PI4K2B: variants seen among roughly 807,000 people sequenced by gnomAD.
PI4K2B encodes phosphatidylinositol 4-kinase type 2 beta, also known as phosphatidylinositol 4-kinase type 2-beta.
PI4K2B carries 46 observed loss-of-function variants against 56.6 expected under a neutral mutation model. The observed-to-expected ratio is 0.81, with a 90% CI of 0.64 to 1.04. PI4K2B has a LOEUF of 1.04. Among genes scored for constraint, PI4K2B ranks in the 50% least tolerant of loss-of-function variants. The pLI is 0.00. For synonymous variants in PI4K2B, 211 were observed against 223.8 expected, an observed-to-expected ratio of 0.94 and a Z score of 0.51; for missense variants, 556 against 607.7, an observed-to-expected ratio of 0.91 and a Z score of 0.89.
Position 25,243,480 on chromosome 4 carries a change from G to A in PI4K2B, c.269-8841G>A, listed in dbSNP as rs967920388. 3.9e-5 allele frequency among the ~76,000 whole-genome samples: 6 copies of A among 152,182 alleles called. No homozygotes were observed. In the South Asian group the frequency reaches 1.0e-3, roughly 26 times the overall value. The stretch of plus-strand genomic sequence containing the variant: ...GTCTGAGGGCCATGACTAAGGCTGC[G>A]GCCTTTCTCTGATCTTGCTTTTCCT... On this transcript the variant is annotated intron_variant, in intron 1 of 9. Coordinates refer to ENST00000264864, the MANE Select transcript of PI4K2B (RefSeq NM_018323.4).
In PI4K2B at chr4:25,253,768, G is replaced by T. The variant is rs182004585; in HGVS notation, c.423+1293G>T. Among the ~76,000 whole-genome samples, 37 of 152,288 alleles carry T rather than the reference G, an allele frequency of 2.4e-4. 1 individual carries two copies. The highest frequency in any genetic ancestry group is 1.2e-3 in the Admixed American group (19 of 15,284). On this transcript the variant is annotated intron_variant, in intron 2 of 9. Transcript: ENST00000264864. ...CAAAAAAAGATTTTTTAATACGAGA[G>T]AATTTAATCAATTTATTTGTTAAGA...
At position 25,260,510 on chromosome 4, in the gene PI4K2B, G is replaced by C. The variant is rs758666296; in HGVS notation, c.911-14G>C. 35 of 1,314,854 alleles carry C rather than the reference G, an allele frequency of 2.7e-5. No individual in the cohort carries two copies. In the East Asian group the frequency reaches 8.8e-4, roughly 33 times the overall value. 81.4% of individuals were successfully genotyped at this position (1,314,854 alleles called of 1,614,324 possible). A position where few individuals can be genotyped will look rare whatever the true frequency, so the allele number is the denominator to read the frequency against. On this transcript the variant is annotated splice_polypyrimidine_tract_variant and intron_variant, in intron 5 of 9. Coordinates refer to ENST00000264864, the MANE Select transcript of PI4K2B (RefSeq NM_018323.4). ...TAGAAATGAAGTAACAGATTTTCTT[G>C]TTTGTTTTGAAAGACAGGGGCAATG...
At chr4:25,241,252 G>A (rs1423521156) in intron 1 of PI4K2B, among the ~76,000 whole-genome samples, 1 of 152,190 alleles carries the variant, frequency 6.6e-6, no homozygotes, top group Non-Finnish European at 1.5e-5. Context: ...CACTAGTTCT[G>A]CTAACTGGAC....
At chr4:25,272,899 C>T (rs553910763) in intron 9 of PI4K2B, among the ~76,000 whole-genome samples, 5 of 151,924 alleles carry the variant, frequency 3.3e-5, no homozygotes, top group African/African-American at 1.2e-4. Flanking sequence ...TTCCAAACAA[C>T]AGAATAATTA....
At chr4:25,235,738 TTACCTTGTGTAAGC>T (rs1312933105) in intron 1 of PI4K2B, among the ~76,000 whole-genome samples, 1 of 152,238 alleles carries the variant, frequency 6.6e-6, no homozygotes, top group Non-Finnish European at 1.5e-5. Flanking sequence ...TTTCTGTCCC[TTACCTTGTGTAAGC>T]TACCTTGTGT....
rs10021593 is a variant in PI4K2B, at chr4:25,234,179, G to A, written c.16G>A (p.Glu6Lys). The A allele has an allele frequency of 0.062, 87,413 of 1,398,974 alleles. 3,113 individuals are homozygous for A. Among genetic ancestry groups the A allele is most frequent in the East Asian group, 0.13 (4,374 of 33,412 alleles). The allele number at this position is 1,398,974 out of a possible 1,614,324, so 86.7% of individuals were successfully genotyped here. Residue 6 changes from glutamate (E) to lysine (K), a missense_variant, in exon 1 of 10, where the codon GAG becomes AAG. Physicochemically the swap from Glu to Lys is moderately conservative, Grantham distance 56. Coordinates refer to ENST00000264864, the MANE Select transcript of PI4K2B (RefSeq NM_018323.4). ...GAGGGAGTCCATGGAGGATCCCTCC[G>A]AGCCCGACCGGTTGGCGTCCGCGGA... MEDPSEPDRLASADGG... is the reference protein window; with the variant it reads MEDPSKPDRLASADGG...
chr4:25,239,572 C>T (rs1427701678), intron 1 of PI4K2B, among the ~76,000 whole-genome samples: 1 of 152,082 alleles, frequency 6.6e-6, no homozygotes, highest in Non-Finnish European at 1.5e-5. Flanking sequence ...CGCGCTGGCC[C>T]GCAAGTGCCA....
In PI4K2B at chr4:25,242,739, T is replaced by C. The variant is rs566300141; in HGVS notation, c.268+8308T>C. The stretch of plus-strand genomic sequence containing the variant: ...TATGAGTTTTAGGCCTTACCAGATA[T>C]TGCCTTTGGTAAGGAAAAGTGGTGG... On this transcript the variant is annotated intron_variant, in intron 1 of 9. Coordinates refer to ENST00000264864, the MANE Select transcript of PI4K2B (RefSeq NM_018323.4). Among the ~76,000 whole-genome samples, 4 of 152,352 alleles carry C rather than the reference T, an allele frequency of 2.6e-5. No homozygotes were observed. In the South Asian group the frequency reaches 8.3e-4, roughly 32 times the overall value.
At chr4:25,246,149 A>G (rs4469060) in intron 1 of PI4K2B, among the ~76,000 whole-genome samples, 11,212 of 152,112 alleles carry the variant, frequency 0.074, 474 homozygotes, top group East Asian at 0.12. Context: ...GTGGACCCAA[A>G]GAGTGAGCAG....
chr4:25,253,854 C>T (rs1716155229), intron 2 of PI4K2B, among the ~76,000 whole-genome samples: 1 of 152,200 alleles, frequency 6.6e-6, no homozygotes, highest in Non-Finnish European at 1.5e-5. Flanking sequence ...TCACTGCAAC[C>T]TCCACCTCCC....
chr4:25,234,154 G>T lies in PI4K2B; in HGVS notation c.-10G>T. On this transcript the variant is annotated 5_prime_UTR_variant, in exon 1 of 10. Transcript: ENST00000264864. ...ATCTGGTCTCAGCGCGGAGGGAGCAGAGGGAGTCCATGGAGGATCCCTCCG... is the reference window on the plus strand; with the variant it reads ...ATCTGGTCTCAGCGCGGAGGGAGCATAGGGAGTCCATGGAGGATCCCTCCG... The T allele has an allele frequency of 7.4e-7, 1 of 1,353,984 alleles. No homozygotes were observed. Among genetic ancestry groups the T allele is most frequent in the Non-Finnish European group, 9.5e-7 (1 of 1,050,528 alleles). The allele number at this position is 1,353,984 out of a possible 1,614,324, so 83.9% of individuals were successfully genotyped here.
intron 6 of PI4K2B, among the ~76,000 whole-genome samples, chr4:25,262,139 G>A (rs1019013468): frequency 3.9e-5 from 6 of 151,982 alleles, no homozygotes; most frequent in Non-Finnish European, 5.9e-5. Flanking sequence ...TTTTTAAAGC[G>A]CCACTTAAGG....
chr4:25,254,296 AT>A (rs1431306191), intron 2 of PI4K2B: 1 of 348,506 alleles, frequency 2.9e-6, no homozygotes, highest in East Asian at 1.6e-4. Flanking sequence ...TAGAATGTAC[AT>A]TAATGTGGGG....
intron 2 of PI4K2B, among the ~76,000 whole-genome samples, chr4:25,253,377 A>G (rs1182201707): frequency 1.3e-5 from 2 of 152,238 alleles, no homozygotes; most frequent in Non-Finnish European, 2.9e-5. Context: ...TGAATGATGC[A>G]TAATGAGCAG....
At chr4:25,270,195 T>C (rs1019680816) in intron 9 of PI4K2B, among the ~76,000 whole-genome samples, 1 of 152,192 alleles carries the variant, frequency 6.6e-6, no homozygotes, top group Admixed American at 6.5e-5. Context: ...ATTACTTTTT[T>C]TCTTTTTTCG....
At position 25,260,608 on chromosome 4, in the gene PI4K2B, T is replaced by C. The variant is rs1430558678; in HGVS notation, c.978+17T>C. The C allele has an allele frequency of 2.3e-6, 1 of 429,238 alleles. No homozygotes were observed. The highest frequency in any genetic ancestry group is 3.8e-6 in the Non-Finnish European group (1 of 261,954). The allele number at this position is 429,238 out of a possible 1,614,324, so 26.6% of individuals were successfully genotyped here. Reference sequence around the variant, plus strand: ...GACCATAAGGTAAGGAAATTTACAATTTTATATATATATATATATATATAT... The same window carrying C: ...GACCATAAGGTAAGGAAATTTACAACTTTATATATATATATATATATATAT... On this transcript the variant is annotated intron_variant, in intron 6 of 9. Transcript: ENST00000264864.
chr4:25,260,460 C>T, intron 5 of PI4K2B, 64 bp from the exon 6 acceptor site: 1 of 637,742 alleles, frequency 1.6e-6, no homozygotes. Context: ...AGAGTTTTCT[C>T]ATTGATATTA....
chr4:25,272,110 A>G (rs1577699742), intron 9 of PI4K2B, among the ~76,000 whole-genome samples: 2 of 151,488 alleles, frequency 1.3e-5, no homozygotes, highest in Non-Finnish European at 2.9e-5. Flanking sequence ...GCGCCACTGC[A>G]CTCCAGCCTG....
chr4:25,234,250 G>C lies in PI4K2B; in HGVS notation c.87G>C (p.Leu29=), dbSNP rs769969527. ...EEEEDGEREP[L]LPRIAWAHPR... is the part of the protein sequence containing the mutation. ...AGGAGGATGGGGAGCGGGAGCCGCT[G>C]CTACCGCGGATCGCCTGGGCCCACC... Residue 29 remains leucine, a synonymous_variant, in exon 1 of 10, where the codon CTG becomes CTC. Transcript: ENST00000264864. 1.4e-6 allele frequency: 2 copies of C among 1,428,320 alleles called. No individual in the cohort carries two copies. The highest frequency in any genetic ancestry group is 1.8e-6 in the Non-Finnish European group (2 of 1,089,718). The allele number at this position is 1,428,320 out of a possible 1,614,324, so 88.5% of individuals were successfully genotyped here.
Sources: gnomAD v4.1 joint callset for allele counts (sites outside exome capture counted in the v4.1 genomes callset) on GRCh38, gnomAD v4.1.1 for gene constraint, MANE v1.5 for transcripts, NCBI Gene and HGNC (gene_info 2026-07-23, HGNC 2026-07-21) for gene names.